The following RPS6KC1 variants were observed in gnomAD, a reference collection of about 807,000 sequenced individuals.
The protein encoded by RPS6KC1 is inactive ribosomal protein S6 kinase delta-1.
RPS6KC1 carries 54 observed loss-of-function variants against 103.8 expected under a neutral mutation model. The ratio of observed to expected loss-of-function variants is 0.52; its 90% CI spans 0.42 to 0.65. RPS6KC1 has a LOEUF of 0.65. Among genes scored for constraint, RPS6KC1 ranks in the 30% least tolerant of loss-of-function variants. The pLI is 0.00. For missense variants in RPS6KC1, 1,151 were observed against 1,253.8 expected (o/e 0.92, Z 1.24); for synonymous variants, 439 against 438.7 (o/e 1.00, Z -0.01).
chr1:213,116,363 C>T (rs1299968993), intron 4 of RPS6KC1, among the ~76,000 whole-genome samples: 1 of 134,682 alleles, frequency 7.4e-6, no homozygotes, highest in African/African-American at 2.9e-5. Flanking sequence ...TTATCAGAGA[C>T]TAGGATTGCA....
the RPS6KC1 span, among the ~76,000 whole-genome samples, chr1:213,722,973 G>T: frequency 1.3e-5 from 2 of 152,196 alleles, no homozygotes; most frequent in Admixed American, 1.3e-4. Flanking sequence ...GAGGTCAGGA[G>T]TTCGAGATCA....
chr1:213,520,711 A>T, the RPS6KC1 span, among the ~76,000 whole-genome samples: 1 of 152,154 alleles, frequency 6.6e-6, no homozygotes. Context: ...GTAGTTGGTG[A>T]GGGCTGATTT....
chr1:213,232,190 T>C lies in RPS6KC1; in HGVS notation c.1160T>C (p.Met387Thr). ...KTIIPRCVPN[M>T]VCLHKYIISE... ...ATCATCCCCCGCTGTGTGCCCAACA[T>C]GGTGTGTCTGCATAAGTACATCATC... The change falls in exon 10 of 15, where the codon ATG (methionine) becomes ACG (threonine). Residue 387 changes from methionine to threonine, a missense_variant. Around this residue, in one of 3 missense-constraint regions of RPS6KC1, gnomAD observed 959 missense variants for 1,006.3 expected, o/e 0.95. Transcript: ENST00000366960. 2 of 1,614,030 alleles carry C rather than the reference T, an allele frequency of 1.2e-6. No individual in the cohort carries two copies. Among genetic ancestry groups the C allele is most frequent in the Non-Finnish European group, 1.7e-6 (2 of 1,179,902 alleles).
chr1:213,549,954 AAG>A, the RPS6KC1 span, among the ~76,000 whole-genome samples: 1 of 152,208 alleles, frequency 6.6e-6, no homozygotes, highest in Non-Finnish European at 1.5e-5. Context: ...TTCAGGCCAG[AAG>A]AGAGAGGGCA....
At chr1:213,533,082 T>C in the RPS6KC1 span, among the ~76,000 whole-genome samples, 2 of 152,052 alleles carry the variant, frequency 1.3e-5, no homozygotes, top group Non-Finnish European at 2.9e-5. Context: ...GGTTTTTGAG[T>C]ACAGAGTGCT....
At chr1:213,454,140 GACC>G in the RPS6KC1 span, among the ~76,000 whole-genome samples, 1 of 127,894 alleles carries the variant, frequency 7.8e-6, no homozygotes, top group African/African-American at 3.7e-5. Context: ...GCAGATTTTT[GACC>G]ACATGGGGGG....
At chr1:213,084,078 A>C (rs61834094) in intron 3 of RPS6KC1, among the ~76,000 whole-genome samples, 5,186 of 152,046 alleles carry the variant, frequency 0.034, 121 homozygotes, top group Middle Eastern at 0.055. Context: ...CTTATTGTTA[A>C]GCTTTTATCC....
the RPS6KC1 span, among the ~76,000 whole-genome samples, chr1:213,342,764 G>A: frequency 6.6e-6 from 1 of 152,024 alleles, no homozygotes; most frequent in African/African-American, 2.4e-5. Flanking sequence ...TGGATATTTG[G>A]GAAAAATCAT....
At chr1:213,303,933 C>T in the RPS6KC1 span, among the ~76,000 whole-genome samples, 4 of 151,920 alleles carry the variant, frequency 2.6e-5, no homozygotes, top group South Asian at 2.1e-4. Flanking sequence ...AGGCCGGGCG[C>T]GGTGGCTCAC....
the RPS6KC1 span, among the ~76,000 whole-genome samples, chr1:213,559,760 G>A: frequency 6.6e-6 from 1 of 152,102 alleles, no homozygotes; most frequent in Admixed American, 6.5e-5. Flanking sequence ...TTTTTTTATA[G>A]TAACCACATT....
chr1:213,548,388 A>T, the RPS6KC1 span, among the ~76,000 whole-genome samples: 1 of 152,214 alleles, frequency 6.6e-6, no homozygotes, highest in Non-Finnish European at 1.5e-5. Flanking sequence ...GCAGGCTGGG[A>T]GTGGTGGCTC....
At chr1:213,468,834 C>T in the RPS6KC1 span, among the ~76,000 whole-genome samples, 6 of 152,138 alleles carry the variant, frequency 3.9e-5, no homozygotes, top group African/African-American at 1.4e-4. Flanking sequence ...CCTTCACTCA[C>T]GATGTGCCAG....
the RPS6KC1 span, among the ~76,000 whole-genome samples, chr1:213,342,754 T>C: frequency 6.6e-6 from 1 of 152,186 alleles, no homozygotes; most frequent in Admixed American, 6.5e-5. Flanking sequence ...AGACAATCTC[T>C]GGATATTTGG....
chr1:213,496,436 T>G, the RPS6KC1 span, among the ~76,000 whole-genome samples: 1 of 151,648 alleles, frequency 6.6e-6, no homozygotes, highest in African/African-American at 2.4e-5. Flanking sequence ...TAAAACAGAG[T>G]GAAAGGCAGA....
the RPS6KC1 span, among the ~76,000 whole-genome samples, chr1:213,605,887 T>G: frequency 6.6e-6 from 1 of 152,060 alleles, no homozygotes; most frequent in Non-Finnish European, 1.5e-5. Flanking sequence ...CAACGCCAGG[T>G]GCTGAGAAGG....
intron 4 of RPS6KC1, among the ~76,000 whole-genome samples, chr1:213,114,221 C>T (rs991725354): frequency 1.5e-4 from 23 of 151,896 alleles, no homozygotes; most frequent in African/African-American, 5.3e-4. Flanking sequence ...TTGTTTGTAT[C>T]CTCTTTTATT....
the RPS6KC1 span, among the ~76,000 whole-genome samples, chr1:213,611,599 C>A: frequency 6.6e-6 from 1 of 152,154 alleles, no homozygotes; most frequent in African/African-American, 2.4e-5. Context: ...AGAGCTATGT[C>A]AAACAAAGTT....
intron 8 of RPS6KC1, among the ~76,000 whole-genome samples, chr1:213,199,734 AC>A (rs1329135395): frequency 1.3e-5 from 2 of 152,072 alleles, no homozygotes; most frequent in African/African-American, 4.8e-5. Flanking sequence ...TATCTAGAAA[AC>A]CCCATAGTCT....
the RPS6KC1 span, among the ~76,000 whole-genome samples, chr1:213,803,393 C>T: frequency 6.6e-6 from 1 of 151,880 alleles, no homozygotes; most frequent in Non-Finnish European, 1.5e-5. Flanking sequence ...ATTACAGGTG[C>T]CTGTCACCAC....
Sources: gnomAD v4.1 joint callset for allele counts (sites outside exome capture counted in the v4.1 genomes callset) on GRCh38, gnomAD v4.1.1 for gene constraint, gnomAD v4.1.1 regional missense constraint, MANE v1.5 for transcripts, NCBI Gene and HGNC (gene_info 2026-07-23, HGNC 2026-07-21) for gene names.